THBS1: variants seen among roughly 807,000 people sequenced by gnomAD.
THBS1 encodes thrombospondin-1.
A neutral mutation model predicts 126.1 loss-of-function variants in THBS1; 29 were observed. That is an observed-to-expected ratio of 0.23 (90% CI 0.17 to 0.31). The LOEUF (loss-of-function observed/expected upper bound fraction) is 0.31. THBS1 is among the 10% of genes least tolerant of loss of function. The pLI, the probability that THBS1 is intolerant of heterozygous loss-of-function variation, is 1.00. For missense variants in THBS1, 1,198 were observed against 1,545.2 expected, an observed-to-expected ratio of 0.78 and a Z score of 3.77; for synonymous variants, 496 against 577.8, an observed-to-expected ratio of 0.86 and a Z score of 2.03.
chr15:39,594,024 GT>G lies in THBS1; in HGVS notation c.3268-72del. On this transcript the variant is annotated intron_variant, in intron 19 of 21. Transcript: ENST00000260356. The surrounding 1 kb of genome is among the most constrained non-coding windows in gnomAD (Gnocchi z 4.4). ...ATCAGCTCAGTACCTTTCAAGCATT[GT>G]TTCTGATGGAATGAAATAGAAATCT... is the stretch of plus-strand genomic sequence containing the variant. The G allele has an allele frequency of 6.8e-7, 1 of 1,463,398 alleles. No individual in the cohort carries two copies. Among genetic ancestry groups the G allele is most frequent in the Non-Finnish European group, 9.3e-7 (1 of 1,073,888 alleles). The allele number at this position is 1,463,398 out of a possible 1,614,324, so 90.7% of individuals were successfully genotyped here.
chr15:39,591,795 C>T (rs1355989356), intron 16 of THBS1, among the ~76,000 whole-genome samples, 172 bp downstream of exon 16: 2 of 152,178 alleles, frequency 1.3e-5, no homozygotes, highest in Admixed American at 6.5e-5. Context: ...ATGTGAGCTC[C>T]TTGCACAGAG....
At chr15:39,581,668 C>CTCTCAT (rs1023877601) in intron 1 of THBS1, 161 bp from the exon 2 acceptor site, 1 of 522,374 alleles carries the variant, frequency 1.9e-6, no homozygotes, top group African/African-American at 1.9e-5. Flanking sequence ...CTCTCTCTCT[C>CTCTCAT]ATGCTCTCTG....
intron 3 of THBS1, 45 bp from the exon 4 acceptor site, chr15:39,583,572 A>ACCCCCCCCC: frequency 1.3e-6 from 1 of 783,564 alleles, no homozygotes; most frequent in Non-Finnish European, 2.1e-6. Context: ...CCCCATCCCC[A>ACCCCCCCCC]CCCCGCTCTG....
Position 39,595,239 on chromosome 15 carries a change from A to G in THBS1, c.3506-123A>G, listed in dbSNP as rs1890411811. 4 of 599,960 alleles carry G rather than the reference A, an allele frequency of 6.7e-6. No individual in the cohort carries two copies. The Admixed American group carries it at 1.5e-4, about 22-fold the overall frequency. 37.2% of individuals were successfully genotyped at this position (599,960 alleles called of 1,614,324 possible). On this transcript the variant is annotated intron_variant, in intron 21 of 21. Transcript: ENST00000260356. ...GCTAATGTGCTTGAACAACCTTAAA[A>G]TTAGGCTTTTGTCATTAGAAAAGTA...
At chr15:39,584,569 A>G in intron 6 of THBS1, 147 bp downstream of exon 6, 1 of 1,079,522 alleles carries the variant, frequency 9.3e-7, no homozygotes, top group Admixed American at 2.8e-5. Flanking sequence ...AGATGCAATT[A>G]TGGCATCTAT....
In THBS1 at chr15:39,598,995, C is replaced by G. The variant is rs1360808506; in HGVS notation, c.*3626C>G. 6.6e-6 allele frequency: 1 copy of G among 152,104 alleles called. No homozygotes were observed. The highest frequency in any genetic ancestry group is 1.5e-5 in the Non-Finnish European group (1 of 68,040). 9.4% of individuals were successfully genotyped at this position (152,104 alleles called of 1,614,324 possible). On this transcript the variant is annotated 3_prime_UTR_variant, in exon 22 of 22. Transcript: ENST00000260356. The stretch of plus-strand genomic sequence containing the variant: ...GGAGTGCAGTGACACAATCTCGGCT[C>G]ACTGCAACCTCTGCCTCCCCGGTTC...
Position 39,589,352 on chromosome 15 carries a change from C to A in THBS1, c.1924C>A (p.Gln642Lys). Residue 642 changes from glutamine to lysine, a missense_variant and splice_region_variant, in exon 12 of 22, where the codon CAG becomes AAG. By Grantham distance (53) the Gln-to-Lys change is moderately conservative. Around this residue, in one of 4 missense-constraint regions of THBS1, gnomAD observed 663 missense variants for 860.1 expected, o/e 0.77. Transcript: ENST00000260356. This position sits in a 1 kb window ranked among gnomAD's most constrained non-coding sequence, Gnocchi z 4.7. ...QGVEHATANK[Q>K]VCKPRNPCTD... ...TGTCGAACATGCCACGGCCAACAAA[C>A]AGGTACAGTCAACTAGACGAGTAAA... 1 of 1,613,870 alleles carries A rather than the reference C, an allele frequency of 6.2e-7. No individual in the cohort carries two copies. Among genetic ancestry groups the A allele is most frequent in the Non-Finnish European group, 8.5e-7 (1 of 1,180,004 alleles).
Position 39,584,239 on chromosome 15 carries a change from G to A in THBS1, c.903+52G>A, listed in dbSNP as rs778567957. On this transcript the variant is annotated intron_variant, in intron 5 of 21. Coordinates refer to ENST00000260356, the MANE Select transcript of THBS1 (RefSeq NM_003246.4). ...TAGCATGAACCCTGGAAGGTTTATCGCAGATGGTCCCAAATGACTGAAAAT... is the reference window on the plus strand; with the variant it reads ...TAGCATGAACCCTGGAAGGTTTATCACAGATGGTCCCAAATGACTGAAAAT... 8.7e-6 allele frequency: 14 copies of A among 1,613,954 alleles called. 1 individual carries two copies. Among genetic ancestry groups the A allele is most frequent in the East Asian group, 4.5e-5 (2 of 44,896 alleles).
chr15:39,584,964 G>T (rs907480597), intron 6 of THBS1, among the ~76,000 whole-genome samples: 6 of 152,320 alleles, frequency 3.9e-5, no homozygotes, highest in South Asian at 2.1e-4. Flanking sequence ...CAAAGTATTT[G>T]AATTTGCTTA....
chr15:39,595,053 C>CA (rs972901581), intron 21 of THBS1, among the ~76,000 whole-genome samples: 2 of 152,028 alleles, frequency 1.3e-5, no homozygotes, highest in African/African-American at 4.8e-5. Context: ...TGATTTTACT[C>CA]AAAAAAATCT....
rs1890367020 is a variant in THBS1 at position 39,593,328 on chromosome 15, G to A, written c.2996-69G>A. On this transcript the variant is annotated intron_variant, in intron 18 of 21. Coordinates refer to ENST00000260356, the MANE Select transcript of THBS1 (RefSeq NM_003246.4). The surrounding 1 kb of genome is among the most constrained non-coding windows in gnomAD (Gnocchi z 5.9). Reference sequence around the variant, plus strand: ...ACCTATCCCTGTGGGTGCTGAGGATGTCTAGGAACATGATGGAGAACCTTC... The same window carrying A: ...ACCTATCCCTGTGGGTGCTGAGGATATCTAGGAACATGATGGAGAACCTTC... 2.5e-6 allele frequency: 4 copies of A among 1,612,898 alleles called. No individual in the cohort carries two copies. In the Admixed American group the frequency reaches 6.7e-5, roughly 27 times the overall value.
rs200938835 is a variant in THBS1, at chr15:39,584,297, T to C, written c.904-3T>C. 1.6e-4 allele frequency: 252 copies of C among 1,614,250 alleles called. 2 individuals carry two copies. In the East Asian group the frequency reaches 5.0e-3, roughly 32 times the overall value. Reference sequence around the variant, plus strand: ...GACACTAATGATATTCTCTCCCATTTAGACTGAAGAGAACAAAGAGTTGGC... The same window carrying C: ...GACACTAATGATATTCTCTCCCATTCAGACTGAAGAGAACAAAGAGTTGGC... On this transcript the variant is annotated splice_region_variant and splice_polypyrimidine_tract_variant and intron_variant, in intron 5 of 21. Coordinates refer to ENST00000260356, the MANE Select transcript of THBS1 (RefSeq NM_003246.4).
chr15:39,582,853 G>C (rs1890139969), intron 3 of THBS1, 101 bp downstream of exon 3: 1 of 1,326,782 alleles, frequency 7.5e-7, no homozygotes, highest in Non-Finnish European at 1.0e-6. Context: ...TAACGCAGCA[G>C]TTCTCAGATT....
Position 39,588,028 on chromosome 15 carries a change from A to C in THBS1, c.1295-14A>C. On this transcript the variant is annotated splice_polypyrimidine_tract_variant and intron_variant, in intron 8 of 21. Transcript: ENST00000260356. The stretch of plus-strand genomic sequence containing the variant: ...AAGCCAAAACCATTTGTGACCATCA[A>C]CTCTGTACTTTAGTTAAACAGGATG... 1 of 1,613,066 alleles carries C rather than the reference A, an allele frequency of 6.2e-7. No homozygotes were observed. The highest frequency in any genetic ancestry group is 8.5e-7 in the Non-Finnish European group (1 of 1,179,496).
chr15:39,594,059 A>C lies in THBS1; in HGVS notation c.3268-40A>C. On this transcript the variant is annotated intron_variant, in intron 19 of 21. Coordinates refer to ENST00000260356, the MANE Select transcript of THBS1 (RefSeq NM_003246.4). This position sits in a 1 kb window ranked among gnomAD's most constrained non-coding sequence, Gnocchi z 4.4. ...GAATGAAATAGAAATCTTTACCTGA[A>C]GGAGCTGTGTTTCAACCTTTCCTTT... The C allele has an allele frequency of 6.4e-7, 1 of 1,573,384 alleles. No homozygotes were observed. Among genetic ancestry groups the C allele is most frequent in the Non-Finnish European group, 8.7e-7 (1 of 1,151,626 alleles).
intron 10 of THBS1, 116 bp from the exon 11 acceptor site, chr15:39,588,843 C>A (rs901820544): frequency 1.9e-6 from 3 of 1,592,786 alleles, no homozygotes; most frequent in Non-Finnish European, 2.6e-6. Context: ...ATAATCCCAA[C>A]AAGTTATCGG....
rs1014841133 is a variant in THBS1 at position 39,594,776 on chromosome 15, G to A, written c.3505+336G>A. Among the ~76,000 whole-genome samples the A allele has an allele frequency of 1.3e-5, 2 of 152,130 alleles. No homozygotes were observed. Among genetic ancestry groups the A allele is most frequent in the African/African-American group, 4.8e-5 (2 of 41,418 alleles). ...ATATTTATATATCTTACTGCTTATT[G>A]TTTTATGCATGCCATCACAGCACGA... On this transcript the variant is annotated intron_variant, in intron 21 of 21. Coordinates refer to ENST00000260356, the MANE Select transcript of THBS1 (RefSeq NM_003246.4). The surrounding 1 kb of genome is among the most constrained non-coding windows in gnomAD (Gnocchi z 4.4).
In THBS1 at chr15:39,583,679, A is replaced by T; in HGVS notation, c.690A>T (p.Lys230Asn). The T allele has an allele frequency of 3.7e-6, 6 of 1,613,988 alleles. No homozygotes were observed. The highest frequency in any genetic ancestry group is 5.1e-6 in the Non-Finnish European group (6 of 1,179,958). The change falls in exon 4 of 22, where the codon AAA becomes AAT. Residue 230 changes from lysine (K) to asparagine (N), a missense_variant. This residue lies in a region of THBS1 where 663 missense variants were observed against 860.1 expected (regional missense o/e 0.77). Transcript: ENST00000260356. ...CACCAGAAGACATCCTCAGGAACAA[A>T]GGCTGCTCCAGCTGTGAGTACCCCT... ...GTTPEDILRN[K>N]GCSSSTSVLL...
At chr15:39,584,542 T>TG in intron 6 of THBS1, 120 bp downstream of exon 6, 1 of 1,360,704 alleles carries the variant, frequency 7.3e-7, no homozygotes, top group South Asian at 1.5e-5. Flanking sequence ...GATAACAAAG[T>TG]GTTTTTTTTT....
Sources: gnomAD v4.1 joint callset for allele counts (sites outside exome capture counted in the v4.1 genomes callset) on GRCh38, gnomAD v4.1.1 for gene constraint, gnomAD v4.1.1 regional missense constraint, Gnocchi (gnomAD v3.1) non-coding constraint, MANE v1.5 for transcripts, NCBI Gene and HGNC (gene_info 2026-07-23, HGNC 2026-07-21) for gene names.